CTBP1: variants seen among roughly 807,000 people sequenced by gnomAD.
CTBP1 encodes C-terminal binding protein 1.
CTBP1 carries 11 observed loss-of-function variants against 42.1 expected under a neutral mutation model. The observed-to-expected ratio is 0.26, with a 90% CI of 0.16 to 0.43. The LOEUF (loss-of-function observed/expected upper bound fraction) is 0.43. Among genes scored for constraint, CTBP1 ranks in the 20% least tolerant of loss-of-function variants. The pLI is 1.00. For synonymous variants in CTBP1, 324 were observed against 277.1 expected, an observed-to-expected ratio of 1.17 and a Z score of -1.68; for missense variants, 399 against 624.3, an observed-to-expected ratio of 0.64 and a Z score of 3.85.
Position 1,213,801 on chromosome 4 carries a change from C to G in CTBP1, c.861-196G>C, listed in dbSNP as rs1053605306. On this transcript the variant is annotated intron_variant, in intron 7 of 9. Coordinates refer to ENST00000382952, the MANE Select transcript of CTBP1 (RefSeq NM_001012614.2). ...CATCAGACACACCAGGGGCTCCTGA[C>G]AGCGGCGGGTGTGGGAGCCCAAGGG... 89 of 642,996 alleles carry G rather than the reference C, an allele frequency of 1.4e-4. No homozygotes were observed. The African/African-American group carries it at 1.6e-3, about 12-fold the overall frequency. 39.8% of individuals were successfully genotyped at this position (642,996 alleles called of 1,614,324 possible). A position where few individuals can be genotyped will look rare whatever the true frequency, so the allele number is the denominator to read the frequency against.
intron 3 of CTBP1, chr4:1,237,976 G>T: frequency 1.4e-6 from 1 of 735,976 alleles, no homozygotes; most frequent in Middle Eastern, 2.3e-4. Context: ...TCCTGATGGG[G>T]CTCAGGGCAA....
At chr4:1,247,773 G>A (rs1732882303) in intron 1 of CTBP1, among the ~76,000 whole-genome samples, 1 of 149,684 alleles carries the variant, frequency 6.7e-6, no homozygotes, top group Admixed American at 6.6e-5. Context: ...GGGGAGGGGG[G>A]GGGGGCTCGG....
At chr4:1,220,718 A>C (rs1167648430) in intron 5 of CTBP1, among the ~76,000 whole-genome samples, 1 of 152,244 alleles carries the variant, frequency 6.6e-6, no homozygotes, top group Non-Finnish European at 1.5e-5. Flanking sequence ...CTGCCTTTCC[A>C]CAGAGGAGCC....
chr4:1,216,355 C>T (rs536685291), intron 5 of CTBP1, 150 bp from the exon 6 acceptor site: 28 of 750,980 alleles, frequency 3.7e-5, no homozygotes, highest in Middle Eastern at 3.9e-4. Context: ...TGCCCACGCA[C>T]GCTCCACACG....
At chr4:1,229,846 G>C (rs1433555692) in intron 3 of CTBP1, among the ~76,000 whole-genome samples, 2 of 152,180 alleles carry the variant, frequency 1.3e-5, no homozygotes, top group Admixed American at 1.3e-4. Context: ...CCTGCCCACC[G>C]CAGGGGACCT....
chr4:1,234,570 T>C (rs1178785109), intron 3 of CTBP1: 1 of 152,260 alleles, frequency 6.6e-6, no homozygotes, highest in Non-Finnish European at 1.5e-5. Flanking sequence ...GATCTGCATT[T>C]TATATGAACC....
intron 2 of CTBP1, among the ~76,000 whole-genome samples, chr4:1,239,022 T>C (rs898824751): frequency 2.0e-5 from 3 of 152,132 alleles, no homozygotes; most frequent in Admixed American, 6.5e-5. Context: ...CTGCCTGGCA[T>C]TACTTCCAAT....
Position 1,215,323 on chromosome 4 carries a change from A to G in CTBP1, c.729+668T>C, listed in dbSNP as rs535208989. 2.6e-5 allele frequency among the ~76,000 whole-genome samples: 4 copies of G among 152,386 alleles called. No homozygotes were observed. In the South Asian group the frequency reaches 8.3e-4, roughly 32 times the overall value. The stretch of plus-strand genomic sequence containing the variant: ...TGGCCTCTGACACGTGTGTACACAC[A>G]TGCACATACATACAAGCTCATACAA... On this transcript the variant is annotated intron_variant, in intron 6 of 9. Transcript: ENST00000382952.
chr4:1,228,217 T>G lies in CTBP1; in HGVS notation c.289A>C (p.Lys97Gln). 1 of 1,614,110 alleles carries G rather than the reference T, an allele frequency of 6.2e-7. No homozygotes were observed. The highest frequency in any genetic ancestry group is 8.5e-7 in the Non-Finnish European group (1 of 1,180,008). ...GGCCTACCTAAATCCCCGGCCGACT[T>G]GATGTCGATGTTGTCAAAACCACTG... ...IGSGFDNIDIKSAGDLGIAVC... is the reference protein window; with the variant it reads ...IGSGFDNIDIQSAGDLGIAVC... Residue 97 changes from lysine (K) to glutamine (Q), a missense_variant, in exon 4 of 10, where the codon AAG (lysine) becomes CAG (glutamine). Lys to Gln is a moderately conservative substitution (Grantham distance 53, BLOSUM62 1). Around this residue, in one of 4 missense-constraint regions of CTBP1, gnomAD observed 309 missense variants for 497.5 expected, o/e 0.62. Coordinates refer to ENST00000382952, the MANE Select transcript of CTBP1 (RefSeq NM_001012614.2).
Position 1,238,128 on chromosome 4 carries a change from T to C in CTBP1, c.162+55A>G. On this transcript the variant is annotated intron_variant, in intron 3 of 9. Transcript: ENST00000382952. The surrounding 1 kb of genome is among the most constrained non-coding windows in gnomAD (Gnocchi z 5.9). ...CCCGGGCCTGCCGTGCTCCCGTCCC[T>C]CCAACTCCCCCCAACGTGCGGTTCT... 6.2e-7 allele frequency: 1 copy of C among 1,610,550 alleles called. No individual in the cohort carries two copies. Among genetic ancestry groups the C allele is most frequent in the Non-Finnish European group, 8.5e-7 (1 of 1,178,640 alleles).
At chr4:1,249,602 A>G (rs759415955), upstream of CTBP1, 4 of 375,598 alleles carry the variant, frequency 1.1e-5, no homozygotes, top group South Asian at 7.0e-5. Context: ...GGCCAGGGGC[A>G]CCGAGGCCGC....
Position 1,238,545 on chromosome 4 carries a change from A to G in CTBP1, c.8-208T>C, listed in dbSNP as rs1185309150. Among the ~76,000 whole-genome samples the G allele has an allele frequency of 6.6e-6, 1 of 151,970 alleles. No individual in the cohort carries two copies. Among genetic ancestry groups the G allele is most frequent in the African/African-American group, 2.4e-5 (1 of 41,352 alleles). ...TCAGCTCGCTGACTCAAGTGGACAC[A>G]GACTGTGGACACCCACTACCATCTC... On this transcript the variant is annotated intron_variant, in intron 2 of 9. Transcript: ENST00000382952. This position sits in a 1 kb window ranked among gnomAD's most constrained non-coding sequence, Gnocchi z 5.9.
chr4:1,239,457 G>A (rs987390446), intron 2 of CTBP1, among the ~76,000 whole-genome samples: 1 of 152,204 alleles, frequency 6.6e-6, no homozygotes, highest in Admixed American at 6.5e-5. Context: ...GACCCAGCAG[G>A]CTCTCCAGTG....
chr4:1,222,770 G>A (rs1231984015), intron 5 of CTBP1, among the ~76,000 whole-genome samples: 2 of 130,160 alleles, frequency 1.5e-5, no homozygotes, highest in African/African-American at 5.4e-5. Context: ...GGAAGGCGCC[G>A]CCCTCAGGCC....
rs368190257 is a variant in CTBP1 at position 1,238,172 on chromosome 4, C to A, written c.162+11G>T. 1 of 1,612,698 alleles carries A rather than the reference C, an allele frequency of 6.2e-7. No individual in the cohort carries two copies. The highest frequency in any genetic ancestry group is 1.3e-5 in the African/African-American group (1 of 74,954). ...CGGTTCTGCCAGCCCCAGGCGACCA[C>A]GTGGTGGTACCTTCTCATGGATCTC... is the stretch of plus-strand genomic sequence containing the variant. On this transcript the variant is annotated intron_variant, in intron 3 of 9. Transcript: ENST00000382952. This position sits in a 1 kb window ranked among gnomAD's most constrained non-coding sequence, Gnocchi z 5.9.
chr4:1,225,223 A>G, intron 5 of CTBP1, 137 bp downstream of exon 5: 6 of 1,033,568 alleles, frequency 5.8e-6, no homozygotes, highest in Non-Finnish European at 6.9e-6. Context: ...GCCTGTGCGC[A>G]CTCAGTCCTG....
In CTBP1 at chr4:1,212,094, C is replaced by T; in HGVS notation, c.*146G>A. ...CGGACGACGACAAGCGACACGAGGC[C>T]CAGCGCTGCCCCCTCCCGCCTCCTG... is the stretch of plus-strand genomic sequence containing the variant. On this transcript the variant is annotated 3_prime_UTR_variant, in exon 10 of 10. Transcript: ENST00000382952. 1 of 595,342 alleles carries T rather than the reference C, an allele frequency of 1.7e-6. No homozygotes were observed. The highest frequency in any genetic ancestry group is 3.5e-5 in the East Asian group (1 of 28,774). 36.9% of individuals were successfully genotyped at this position (595,342 alleles called of 1,614,324 possible).
intron 7 of CTBP1, 39 bp downstream of exon 7, chr4:1,214,304 C>G: frequency 6.6e-7 from 1 of 1,516,022 alleles, no homozygotes; most frequent in South Asian, 1.3e-5. Context: ...GGATGGTGGA[C>G]AGGGAAGAGC....
At chr4:1,243,867 C>T (rs1002574853) in intron 1 of CTBP1, 2 of 985,444 alleles carry the variant, frequency 2.0e-6, no homozygotes, top group Non-Finnish European at 1.2e-6. Context: ...CTCAGCCCAG[C>T]GACACGAGGA....
Sources: gnomAD v4.1 joint callset for allele counts (sites outside exome capture counted in the v4.1 genomes callset) on GRCh38, gnomAD v4.1.1 for gene constraint, gnomAD v4.1.1 regional missense constraint, Gnocchi (gnomAD v3.1) non-coding constraint, MANE v1.5 for transcripts, NCBI Gene and HGNC (gene_info 2026-07-23, HGNC 2026-07-21) for gene names.